Variants in SKAP1 observed in about 807,000 individuals in gnomAD.
The protein encoded by SKAP1 is src kinase associated phosphoprotein 1, also known as src kinase-associated phosphoprotein 1.
Under a neutral mutation model 58.5 loss-of-function variants are expected in SKAP1, and 44 were observed. The observed-to-expected ratio is 0.75, with a 90% CI of 0.59 to 0.97. SKAP1 has a LOEUF of 0.97. SKAP1 is among the 50% of genes least tolerant of loss of function. SKAP1 has a pLI of 0.00. For synonymous variants in SKAP1, 127 were observed against 149.7 expected (o/e 0.85, Z 1.11); for missense variants, 390 against 435.2 (o/e 0.90, Z 0.92).
chr17:48,225,084 T>C (rs2065052106), intron 4 of SKAP1, among the ~76,000 whole-genome samples: 1 of 152,188 alleles, frequency 6.6e-6, no homozygotes, highest in African/African-American at 2.4e-5. Context: ...GGTTCATTCA[T>C]GGTAAAGTGA....
At chr17:48,397,668 G>A (rs1032316856) in intron 1 of SKAP1, among the ~76,000 whole-genome samples, 2 of 152,080 alleles carry the variant, frequency 1.3e-5, no homozygotes, top group Non-Finnish European at 2.9e-5. Flanking sequence ...CAAAAGGGCA[G>A]GCATTCAAAG....
intron 4 of SKAP1, among the ~76,000 whole-genome samples, chr17:48,318,778 C>T (rs1240384792): frequency 6.6e-6 from 1 of 152,126 alleles, no homozygotes; most frequent in African/African-American, 2.4e-5. Context: ...GTGGGAGGAT[C>T]GCTTGGAGCA....
chr17:48,343,938 C>A (rs1002760971), intron 4 of SKAP1, among the ~76,000 whole-genome samples: 1 of 152,116 alleles, frequency 6.6e-6, no homozygotes, highest in African/African-American at 2.4e-5. Flanking sequence ...AAGTTAACTT[C>A]CCTGAGTCTG....
chr17:48,167,752 G>T (rs549740951), intron 10 of SKAP1, among the ~76,000 whole-genome samples: 1 of 152,278 alleles, frequency 6.6e-6, no homozygotes, highest in Non-Finnish European at 1.5e-5. Context: ...ATCTAAGGAT[G>T]ATTTGTGCCT....
chr17:48,358,253 C>T (rs2066900527), intron 3 of SKAP1, among the ~76,000 whole-genome samples: 1 of 152,162 alleles, frequency 6.6e-6, no homozygotes, highest in Non-Finnish European at 1.5e-5. Context: ...AACCTTTTGG[C>T]ATGAATGCAA....
intron 4 of SKAP1, among the ~76,000 whole-genome samples, chr17:48,298,618 C>T (rs1002896015): frequency 2.6e-5 from 4 of 152,300 alleles, no homozygotes; most frequent in Non-Finnish European, 4.4e-5. Context: ...CTACGTAATT[C>T]GCTTCAAGAC....
intron 2 of SKAP1, among the ~76,000 whole-genome samples, chr17:48,381,314 A>C (rs1191168843): frequency 6.6e-6 from 1 of 152,214 alleles, no homozygotes; most frequent in African/African-American, 2.4e-5. Flanking sequence ...CTTTTCAGCC[A>C]TACCTCCCAT....
the SKAP1 span, among the ~76,000 whole-genome samples, chr17:48,436,362 G>A: frequency 1.5e-4 from 23 of 152,110 alleles, no homozygotes; most frequent in African/African-American, 5.1e-4. Context: ...GTGAGCCACC[G>A]TGTCTGGCCA....
chr17:48,164,725 G>T (rs1362036826), intron 10 of SKAP1, among the ~76,000 whole-genome samples: 1 of 152,204 alleles, frequency 6.6e-6, no homozygotes, highest in Admixed American at 6.5e-5. Context: ...GGGAACTTCA[G>T]TCAGAAGTAG....
intron 1 of SKAP1, among the ~76,000 whole-genome samples, chr17:48,410,110 C>A (rs1408303874): frequency 6.6e-6 from 1 of 152,140 alleles, no homozygotes; most frequent in South Asian, 2.1e-4. Context: ...TATGGGTTAA[C>A]AATTCTTATA....
At chr17:48,407,448 C>G (rs1598668000) in intron 1 of SKAP1, among the ~76,000 whole-genome samples, 1 of 152,172 alleles carries the variant, frequency 6.6e-6, no homozygotes, top group African/African-American at 2.4e-5. Context: ...CTCCTCACTC[C>G]CCTTTGATTT....
At chr17:48,390,788 C>A (rs2144512505) in intron 2 of SKAP1, among the ~76,000 whole-genome samples, 1 of 152,220 alleles carries the variant, frequency 6.6e-6, no homozygotes, top group Non-Finnish European at 1.5e-5. Context: ...CTTAAAAATA[C>A]ATTGTCCTAG....
At chr17:48,415,008 T>G (rs2067714424) in intron 1 of SKAP1, among the ~76,000 whole-genome samples, 1 of 152,166 alleles carries the variant, frequency 6.6e-6, no homozygotes, top group Non-Finnish European at 1.5e-5. Flanking sequence ...CCTAGTACAC[T>G]AAAAGCAAAA....
intron 11 of SKAP1, among the ~76,000 whole-genome samples, chr17:48,144,547 C>T (rs529416150): frequency 1.3e-5 from 2 of 152,254 alleles, no homozygotes; most frequent in South Asian, 2.1e-4. Context: ...TTTAAGCCCT[C>T]GTTTCCAAGT....
At chr17:48,190,201 G>C (rs1459023890) in intron 4 of SKAP1, among the ~76,000 whole-genome samples, 1 of 151,342 alleles carries the variant, frequency 6.6e-6, no homozygotes, top group Non-Finnish European at 1.5e-5. Context: ...CCATCTCCCG[G>C]GCTCATGCCA....
At position 48,414,356 on chromosome 17, in the gene SKAP1, G is replaced by A. The variant is rs184991022; in HGVS notation, c.46+15719C>T. On this transcript the variant is annotated intron_variant, in intron 1 of 12. Coordinates refer to ENST00000336915, the MANE Select transcript of SKAP1 (RefSeq NM_003726.4). ...TGAGATGAGGAAAAGAATGGCCCAG[G>A]CATGGGAACATCATATGCAGAGGTC... Among the ~76,000 whole-genome samples, 5 of 152,230 alleles carry A rather than the reference G, an allele frequency of 3.3e-5. No homozygotes were observed. The East Asian group carries it at 7.7e-4, about 24-fold the overall frequency.
intron 9 of SKAP1, among the ~76,000 whole-genome samples, chr17:48,173,947 T>C (rs1235074895): frequency 6.6e-6 from 1 of 152,246 alleles, no homozygotes; most frequent in African/African-American, 2.4e-5. Context: ...GCTTGCCTGC[T>C]CTTTGCATTT....
chr17:48,156,878 G>C (rs930452420), intron 11 of SKAP1, among the ~76,000 whole-genome samples: 1 of 152,082 alleles, frequency 6.6e-6, no homozygotes, highest in African/African-American at 2.4e-5. Context: ...CTCTTCACTG[G>C]GTATTTTTTT....
chr17:48,303,397 T>C (rs2066089536), intron 4 of SKAP1, among the ~76,000 whole-genome samples: 1 of 152,206 alleles, frequency 6.6e-6, no homozygotes, highest in Non-Finnish European at 1.5e-5. Flanking sequence ...CTATGAATAG[T>C]CTTTTACCTT....
Sources: allele counts gnomAD v4.1 joint callset (sites outside exome capture counted in the v4.1 genomes callset), GRCh38; gene constraint gnomAD v4.1.1; transcripts MANE v1.5; gene names NCBI Gene and HGNC (gene_info 2026-07-23, HGNC 2026-07-21).